The following DMD variants were observed in gnomAD, a reference collection of about 807,000 sequenced individuals.
DMD encodes dystrophin.
DMD carries 63 observed loss-of-function variants against 330.1 expected under a neutral mutation model. That is an observed-to-expected ratio of 0.19 (90% CI 0.16 to 0.24). DMD has a LOEUF of 0.24. DMD is among the 10% of genes least tolerant of loss of function. The probability of loss-of-function intolerance (pLI) is 1.00; values close to 1 mark genes in which losing one functional copy is unlikely to be tolerated. For synonymous variants in DMD, 1,223 were observed against 959.8 expected (o/e 1.27, Z -5.07); for missense variants, 3,344 against 2,684.1 (o/e 1.25, Z -5.43).
At chrX:31,972,376 C>A (rs2095406117) in intron 44 of DMD, among the ~76,000 whole-genome samples, 1 of 111,405 alleles carries the variant, frequency 9.0e-6, no homozygotes, top group Non-Finnish European at 1.9e-5. Context: ...GAAACCACTA[C>A]CTTTTCTATG....
rs757341817 is a variant in DMD at position 32,269,374 on chromosome X, G to A, written c.6290+18155C>T. ...AACAGGACACTTAATATCTCAAGTC[G>A]CCCACTTGGCCCCCTTCCAGATGTA... On this transcript the variant is annotated intron_variant, in intron 43 of 78. Transcript: ENST00000357033. Among the ~76,000 whole-genome samples the A allele has an allele frequency of 1.1e-4, 12 of 111,617 alleles. No individual in the cohort carries two copies. In the South Asian group the frequency reaches 2.7e-3, roughly 25 times the overall value.
At chrX:33,192,101 C>T (rs1226900783) in intron 1 of DMD, among the ~76,000 whole-genome samples, 1 of 112,034 alleles carries the variant, frequency 8.9e-6, no homozygotes, top group Admixed American at 9.5e-5. Flanking sequence ...CCCAGTTCAC[C>T]TACATCTAAA....
intron 30 of DMD, among the ~76,000 whole-genome samples, chrX:32,401,686 T>A (rs1314198440): frequency 9.0e-6 from 1 of 111,594 alleles, no homozygotes; most frequent in African/African-American, 3.3e-5. Context: ...GTAATTTGAG[T>A]CTACATTTTA....
intron 44 of DMD, among the ~76,000 whole-genome samples, chrX:32,076,298 C>T (rs2096349604): frequency 9.2e-6 from 1 of 109,038 alleles, no homozygotes; most frequent in Non-Finnish European, 1.9e-5. Flanking sequence ...GAGATGTTAC[C>T]TCTAGTGGGA....
intron 59 of DMD, among the ~76,000 whole-genome samples, chrX:31,453,895 A>C (rs999924239): frequency 4.5e-5 from 5 of 110,910 alleles, no homozygotes; most frequent in African/African-American, 6.6e-5. Context: ...AATTAACACA[A>C]AAAGGCTTTT....
intron 2 of DMD, among the ~76,000 whole-genome samples, chrX:32,937,150 T>C (rs1185117829): frequency 9.0e-6 from 1 of 110,659 alleles, no homozygotes; most frequent in Admixed American, 9.7e-5. Flanking sequence ...GAGTTAACTG[T>C]AGACCTCAAG....
At chrX:32,045,656 CTTTG>C (rs965541792) in intron 44 of DMD, among the ~76,000 whole-genome samples, 16 of 111,776 alleles carry the variant, frequency 1.4e-4, no homozygotes, top group Admixed American at 2.9e-4. Flanking sequence ...TGTATCTACT[CTTTG>C]TTTGATGTTA....
chrX:32,252,115 C>T (rs187026870), intron 43 of DMD, among the ~76,000 whole-genome samples: 19 of 111,818 alleles, frequency 1.7e-4, no homozygotes, highest in Admixed American at 7.6e-4. Context: ...ACTTGTACAA[C>T]GTAAAACTTG....
chrX:32,121,727 G>T (rs1305106943), intron 44 of DMD, among the ~76,000 whole-genome samples: 1 of 95,532 alleles, frequency 1.0e-5, no homozygotes, highest in African/African-American at 3.9e-5. Flanking sequence ...ATTGGAAGGA[G>T]TCAAAAAAAA....
intron 18 of DMD, among the ~76,000 whole-genome samples, chrX:32,502,242 C>G (rs1424572233): frequency 5.4e-5 from 6 of 110,841 alleles, no homozygotes; most frequent in Non-Finnish European, 7.6e-5. Context: ...TATTAAAAAT[C>G]AAATTGAGAA....
chrX:32,081,658 C>T (rs1263502842), intron 44 of DMD, among the ~76,000 whole-genome samples: 1 of 111,070 alleles, frequency 9.0e-6, no homozygotes, highest in Non-Finnish European at 1.9e-5. Context: ...TGTTTGAGAC[C>T]AGCCTGACCA....
chrX:33,102,940 T>C (rs1371050813), intron 1 of DMD, among the ~76,000 whole-genome samples: 1 of 111,813 alleles, frequency 8.9e-6, no homozygotes, highest in Non-Finnish European at 1.9e-5. Context: ...TATGGAAGCA[T>C]ATAAGCGAAT....
At chrX:33,196,890 C>A (rs778351608) in intron 1 of DMD, among the ~76,000 whole-genome samples, 1 of 110,974 alleles carries the variant, frequency 9.0e-6, no homozygotes, top group Non-Finnish European at 1.9e-5. Flanking sequence ...AAGTTTAAAA[C>A]CCAGGTAGTC....
chrX:32,430,267 T>A (rs1007559717), intron 29 of DMD, among the ~76,000 whole-genome samples: 1 of 112,001 alleles, frequency 8.9e-6, no homozygotes, highest in Non-Finnish European at 1.9e-5. Context: ...TTCACTGTGA[T>A]ATGTCTGAGA....
chrX:31,550,599 T>C lies in DMD; in HGVS notation c.8218-43146A>G, dbSNP rs756614062. ...AGCTATTTTATTTGTATTTTAACTATTTCCAATTTTAACTGTTCTTGATTT... is the reference window on the plus strand; with the variant it reads ...AGCTATTTTATTTGTATTTTAACTACTTCCAATTTTAACTGTTCTTGATTT... On this transcript the variant is annotated intron_variant, in intron 55 of 78. Coordinates refer to ENST00000357033, the MANE Select transcript of DMD (RefSeq NM_004006.3). Among the ~76,000 whole-genome samples the C allele has an allele frequency of 4.4e-5, 5 of 112,711 alleles. No homozygotes were observed. The East Asian group carries it at 1.4e-3, about 31-fold the overall frequency.
chrX:32,833,172 C>T (rs1364180180), intron 4 of DMD, among the ~76,000 whole-genome samples: 1 of 111,121 alleles, frequency 9.0e-6, no homozygotes, highest in African/African-American at 3.2e-5. Context: ...GTTAAATTTC[C>T]TCTATATTTC....
intron 34 of DMD, among the ~76,000 whole-genome samples, chrX:32,380,154 G>A (rs1443284808): frequency 9.0e-6 from 1 of 111,569 alleles, no homozygotes; most frequent in Non-Finnish European, 1.9e-5. Flanking sequence ...TTCAATCTCT[G>A]TGTCCTTGCC....
Position 32,316,367 on chromosome X carries a change from C to G in DMD, c.5923-6091G>C, listed in dbSNP as rs1323729612. On this transcript the variant is annotated intron_variant, in intron 41 of 78. Transcript: ENST00000357033. ...AGATAAATTAGAATACCTGTAATTTCTAAGATGCTTCTCATTACAATTACC... is the reference window on the plus strand; with the variant it reads ...AGATAAATTAGAATACCTGTAATTTGTAAGATGCTTCTCATTACAATTACC... 6.3e-5 allele frequency among the ~76,000 whole-genome samples: 7 copies of G among 111,654 alleles called. No individual in the cohort carries two copies. In the Admixed American group the frequency reaches 6.7e-4, roughly 11 times the overall value.
chrX:32,211,738 A>C (rs769409706), intron 44 of DMD, among the ~76,000 whole-genome samples: 1 of 111,918 alleles, frequency 8.9e-6, no homozygotes, highest in East Asian at 2.8e-4. Flanking sequence ...TCAGGCTTGT[A>C]TGTCTGCGAC....
Sources: allele counts gnomAD v4.1 joint callset (sites outside exome capture counted in the v4.1 genomes callset), GRCh38; gene constraint gnomAD v4.1.1; transcripts MANE v1.5; gene names NCBI Gene and HGNC (gene_info 2026-07-23, HGNC 2026-07-21).